PPP2R5E: variants seen among roughly 807,000 people sequenced by gnomAD.
PPP2R5E encodes protein phosphatase 2 regulatory subunit B'epsilon.
Under a neutral mutation model 65.3 loss-of-function variants are expected in PPP2R5E, and 4 were observed. That is an observed-to-expected ratio of 0.06 (90% CI 0.03 to 0.14). PPP2R5E has a LOEUF of 0.14. Ranked by LOEUF, PPP2R5E falls within the 10% of genes least tolerant of loss-of-function variation. PPP2R5E has a pLI of 1.00. For missense variants in PPP2R5E, 274 were observed against 556.1 expected, an observed-to-expected ratio of 0.49 and a Z score of 5.10; for synonymous variants, 183 against 187.4, an observed-to-expected ratio of 0.98 and a Z score of 0.19.
chr14:63,392,123 CTTT>C, intron 8 of PPP2R5E, 98 bp from the exon 9 acceptor site: 1 of 753,288 alleles, frequency 1.3e-6, no homozygotes, highest in Non-Finnish European at 2.1e-6. Flanking sequence ...TTCCAGACTG[CTTT>C]TAATAACTTC....
intron 2 of PPP2R5E, among the ~76,000 whole-genome samples, chr14:63,530,248 T>TTTTG (rs1893361786): frequency 7.7e-6 from 1 of 129,554 alleles, no homozygotes; most frequent in South Asian, 2.3e-4. Flanking sequence ...TTTTTTTTTT[T>TTTTG]TGAGACGGAG....
intron 12 of PPP2R5E, among the ~76,000 whole-genome samples, chr14:63,382,972 C>T (rs1431800291): frequency 2.0e-5 from 3 of 151,782 alleles, no homozygotes; most frequent in African/African-American, 7.3e-5. Flanking sequence ...GAAATCAAGC[C>T]CTCATGTAGG....
intron 2 of PPP2R5E, among the ~76,000 whole-genome samples, chr14:63,506,921 T>C (rs1048850347): frequency 3.9e-5 from 6 of 152,214 alleles, no homozygotes; most frequent in African/African-American, 1.4e-4. Flanking sequence ...TAAATGGATT[T>C]TTAAAATGTG....
intron 6 of PPP2R5E, among the ~76,000 whole-genome samples, chr14:63,395,525 G>A (rs577805940): frequency 3.0e-5 from 1 of 33,858 alleles, no homozygotes; most frequent in South Asian, 1.4e-3. Context: ...GGGAAGAGAG[G>A]AGGAGGAGAG....
In PPP2R5E at chr14:63,448,521, T is replaced by C. The variant is rs1888633959; in HGVS notation, c.354+5168A>G. Among the ~76,000 whole-genome samples the C allele has an allele frequency of 2.6e-5, 4 of 152,128 alleles. No homozygotes were observed. In the South Asian group the frequency reaches 8.3e-4, roughly 31 times the overall value. ...AAACCTTCAATTTGTTTGGGCACAGTGGCTCACGCCTGTAATCCCAGCACT... is the reference window on the plus strand; with the variant it reads ...AAACCTTCAATTTGTTTGGGCACAGCGGCTCACGCCTGTAATCCCAGCACT... On this transcript the variant is annotated intron_variant, in intron 3 of 13. Coordinates refer to ENST00000337537, the MANE Select transcript of PPP2R5E (RefSeq NM_006246.5).
chr14:63,468,498 T>G (rs553478495), intron 2 of PPP2R5E, among the ~76,000 whole-genome samples: 1 of 152,282 alleles, frequency 6.6e-6, no homozygotes, highest in African/African-American at 2.4e-5. Flanking sequence ...CGTGTCAAAC[T>G]CCTGAAGGGT....
At chr14:63,427,403 T>TAA (rs930559979) in intron 3 of PPP2R5E, among the ~76,000 whole-genome samples, 1 of 146,270 alleles carries the variant, frequency 6.8e-6, no homozygotes, top group Non-Finnish European at 1.5e-5. Context: ...CAGTGCAAAG[T>TAA]AAAAAAAAAA....
intron 5 of PPP2R5E, among the ~76,000 whole-genome samples, chr14:63,413,186 C>T (rs1263019454): frequency 6.6e-6 from 1 of 152,172 alleles, no homozygotes; most frequent in East Asian, 1.9e-4. Flanking sequence ...TCATTATCTT[C>T]AGTACTGTCT....
At chr14:63,502,489 A>G (rs947191631) in intron 2 of PPP2R5E, among the ~76,000 whole-genome samples, 1 of 152,054 alleles carries the variant, frequency 6.6e-6, no homozygotes, top group Admixed American at 6.6e-5. Flanking sequence ...CAGCCTGGTG[A>G]AACCCCATCT....
chr14:63,389,422 G>C (rs1290708783), intron 11 of PPP2R5E, among the ~76,000 whole-genome samples, 190 bp downstream of exon 11: 1 of 151,988 alleles, frequency 6.6e-6, no homozygotes, highest in Non-Finnish European at 1.5e-5. Context: ...TTACTGGAGA[G>C]AAAGCACCAT....
intron 3 of PPP2R5E, among the ~76,000 whole-genome samples, chr14:63,442,921 G>T (rs1888306153): frequency 6.6e-6 from 1 of 152,072 alleles, no homozygotes; most frequent in Non-Finnish European, 1.5e-5. Flanking sequence ...CTTTTAGATA[G>T]TTGTTCTTTT....
At chr14:63,439,191 AATG>A (rs1416170444) in intron 3 of PPP2R5E, among the ~76,000 whole-genome samples, 2 of 152,300 alleles carry the variant, frequency 1.3e-5, no homozygotes, top group East Asian at 3.9e-4. Flanking sequence ...TAATGATAAT[AATG>A]ATATGGTGAC....
At chr14:63,529,013 AC>A (rs747661620) in intron 2 of PPP2R5E, among the ~76,000 whole-genome samples, 120 of 152,280 alleles carry the variant, frequency 7.9e-4, no homozygotes, top group South Asian at 3.5e-3. Flanking sequence ...AACTTCAAAC[AC>A]TTTTTTTTCC....
chr14:63,527,228 T>C (rs920684071), intron 2 of PPP2R5E, among the ~76,000 whole-genome samples: 1 of 152,220 alleles, frequency 6.6e-6, no homozygotes, highest in African/African-American at 2.4e-5. Context: ...ATAAATGGAA[T>C]TTCCCTTGAA....
chr14:63,430,353 A>ACATACATACATACATACATG (rs1259138834), intron 3 of PPP2R5E, among the ~76,000 whole-genome samples: 33 of 132,306 alleles, frequency 2.5e-4, no homozygotes, highest in African/African-American at 1.0e-3. Flanking sequence ...ATGTATACAT[A>ACATACATACATACATACATG]CATACATACA....
chr14:63,376,041 C>T lies in PPP2R5E; in HGVS notation c.1372G>A (p.Gly458Ser). 1 of 1,606,732 alleles carries T rather than the reference C, an allele frequency of 6.2e-7. No homozygotes were observed. Among genetic ancestry groups the T allele is most frequent in the Non-Finnish European group, 8.5e-7 (1 of 1,173,544 alleles). ...GGAATTATTCCATCACGTCTAAGAC[C>T]TCTCTTTAACTCCAGATCCTCCAAT... is the stretch of plus-strand genomic sequence containing the variant. ...KKLEDLELKR[G>S]LRRDGIIPT The change falls in exon 14 of 14, where the codon GGT becomes AGT. Residue 458 changes from glycine to serine, a missense_variant. Around this residue, in one of 6 missense-constraint regions of PPP2R5E, gnomAD observed 129 missense variants for 254.9 expected, o/e 0.51. Transcript: ENST00000337537.
At chr14:63,429,829 CCCG>C (rs1272282084) in intron 3 of PPP2R5E, among the ~76,000 whole-genome samples, 1 of 151,942 alleles carries the variant, frequency 6.6e-6, no homozygotes, top group African/African-American at 2.4e-5. Context: ...ATTAGAGGTA[CCCG>C]CCACCACGTC....
At chr14:63,442,648 G>A (rs1888293932) in intron 3 of PPP2R5E, among the ~76,000 whole-genome samples, 1 of 152,124 alleles carries the variant, frequency 6.6e-6, no homozygotes, top group African/African-American at 2.4e-5. Context: ...TATTGTTATA[G>A]CTATTCTATT....
At chr14:63,454,888 G>A (rs1889036079) in intron 2 of PPP2R5E, among the ~76,000 whole-genome samples, 1 of 152,222 alleles carries the variant, frequency 6.6e-6, no homozygotes, top group African/African-American at 2.4e-5. Flanking sequence ...GAAAGAAGCA[G>A]GTGGCATTAT....
Sources: gnomAD v4.1 joint callset for allele counts (sites outside exome capture counted in the v4.1 genomes callset) on GRCh38, gnomAD v4.1.1 for gene constraint, gnomAD v4.1.1 regional missense constraint, MANE v1.5 for transcripts, NCBI Gene and HGNC (gene_info 2026-07-23, HGNC 2026-07-21) for gene names.